The following RCN2 variants were observed in gnomAD, a reference collection of about 807,000 sequenced individuals.
RCN2 encodes reticulocalbin 2.
In RCN2, 23 loss-of-function variants were observed where a neutral mutation model predicts 37.5. The ratio of observed to expected loss-of-function variants is 0.61; its 90% CI spans 0.44 to 0.87. The LOEUF (loss-of-function observed/expected upper bound fraction) is 0.87. Among genes scored for constraint, RCN2 ranks in the 40% least tolerant of loss-of-function variants. The pLI is 0.00. For missense variants in RCN2, 381 were observed against 390.4 expected, an observed-to-expected ratio of 0.98 and a Z score of 0.20; for synonymous variants, 140 against 144.6, an observed-to-expected ratio of 0.97 and a Z score of 0.23.
rs972816107 is a variant in RCN2, at chr15:76,953,043, C to T, written c.*3821C>T. On this transcript the variant is annotated 3_prime_UTR_variant, in exon 7 of 7. Coordinates refer to ENST00000394885, the MANE Select transcript of RCN2 (RefSeq NM_002902.3). ...CCACCTCCCAGGTTCAAGCGATTCT[C>T]CTGCCTCAGCCTCCCAAGTAGCTGG... The T allele has an allele frequency of 2.6e-5, 4 of 152,890 alleles. No homozygotes were observed. Among genetic ancestry groups the T allele is most frequent in the Middle Eastern group, 3.1e-3 (1 of 322 alleles). The allele number at this position is 152,890 out of a possible 1,614,324, so 9.5% of individuals were successfully genotyped here. A position where few individuals can be genotyped will look rare whatever the true frequency, so the allele number is the denominator to read the frequency against.
In RCN2 at chr15:76,935,707, G is replaced by A. The variant is rs749017806; in HGVS notation, c.432G>A (p.Glu144=). 4.3e-6 allele frequency: 7 copies of A among 1,612,274 alleles called. No homozygotes were observed. In the South Asian group the frequency reaches 5.5e-5, roughly 13 times the overall value. Residue 144 remains glutamate (E), a synonymous_variant, in exon 3 of 7, where the codon GAG becomes GAA. Coordinates refer to ENST00000394885, the MANE Select transcript of RCN2 (RefSeq NM_002902.3). ...DENTALDDAE[E]ESFRKLHLKD... is the part of the protein sequence containing the mutation. ...ACACTGCTCTGGATGATGCAGAAGA[G>A]GAGTCCTTTAGGAAGGTGAGTTCAT...
chr15:76,935,660 C>T lies in RCN2; in HGVS notation c.385C>T (p.Arg129Cys), dbSNP rs765356365. The change falls in exon 3 of 7, where the codon CGT becomes TGT. Residue 129 changes from arginine to cysteine, a missense_variant. Coordinates refer to ENST00000394885, the MANE Select transcript of RCN2 (RefSeq NM_002902.3). ...TGAATATAACATTCAGATGTATGAT[C>T]GTGTGATTGACTTTGATGAGAACAC... ...WDEYNIQMYD[R>C]VIDFDENTAL... is the part of the protein sequence containing the mutation. The T allele has an allele frequency of 1.1e-5, 17 of 1,613,884 alleles. No individual in the cohort carries two copies. The South Asian group carries it at 1.5e-4, about 15-fold the overall frequency.
chr15:76,932,260 A>G, intron 1 of RCN2, 101 bp from the exon 2 acceptor site: 3 of 939,034 alleles, frequency 3.2e-6, no homozygotes, highest in Non-Finnish European at 5.0e-6. Context: ...TCACCCCGAA[A>G]CCCTTTGGCA....
intron 4 of RCN2, among the ~76,000 whole-genome samples, chr15:76,945,674 G>A (rs190378642): frequency 2.6e-5 from 4 of 152,310 alleles, no homozygotes; most frequent in African/African-American, 4.8e-5. Context: ...CTCCAGCTAC[G>A]TGGCTTGGTT....
At chr15:76,943,447 C>T (rs549157670) in intron 3 of RCN2, 85 of 223,106 alleles carry the variant, frequency 3.8e-4, no homozygotes, top group African/African-American at 1.7e-3. Flanking sequence ...TAGGGATTCT[C>T]ATCCCAATTG....
rs1202254269 is a variant in RCN2 at position 76,950,412 on chromosome 15, A to C, written c.*1190A>C. On this transcript the variant is annotated 3_prime_UTR_variant, in exon 7 of 7. Coordinates refer to ENST00000394885, the MANE Select transcript of RCN2 (RefSeq NM_002902.3). ...TTTTTTTTTTTTTTTTTTTTGTGAC[A>C]GAGTCTTGCTCTGTGGCCCAGGCTG... 3.8e-5 allele frequency: 5 copies of C among 131,302 alleles called. No individual in the cohort carries two copies. The highest frequency in any genetic ancestry group is 1.5e-4 in the African/African-American group (5 of 33,918). The allele number at this position is 131,302 out of a possible 1,614,324, so 8.1% of individuals were successfully genotyped here.
intron 3 of RCN2, chr15:76,938,822 T>A: frequency 2.2e-6 from 1 of 448,688 alleles, no homozygotes; most frequent in Non-Finnish European, 4.5e-6. Context: ...TTGGGCAAGT[T>A]ATTAAACTTT....
chr15:76,937,845 C>G (rs1009239911), intron 3 of RCN2, among the ~76,000 whole-genome samples: 4 of 152,130 alleles, frequency 2.6e-5, no homozygotes, highest in Non-Finnish European at 4.4e-5. Context: ...CTTTTTAACA[C>G]TTCTAGGAAG....
chr15:76,944,680 G>T (rs1349124343), intron 4 of RCN2, among the ~76,000 whole-genome samples: 2 of 152,196 alleles, frequency 1.3e-5, no homozygotes, highest in Non-Finnish European at 2.9e-5. Flanking sequence ...CATCCATGCT[G>T]TTGTGTGGAT....
intron 1 of RCN2, 104 bp downstream of exon 1, chr15:76,932,089 G>T: frequency 3.5e-6 from 4 of 1,148,564 alleles, no homozygotes; most frequent in Non-Finnish European, 4.5e-6. Flanking sequence ...CCTGGCAGGG[G>T]CGGCCTGACA....
chr15:76,952,459 AG>A lies in RCN2; in HGVS notation c.*3238del, dbSNP rs1480858632. 6.6e-6 allele frequency: 1 copy of A among 152,204 alleles called. No homozygotes were observed. The highest frequency in any genetic ancestry group is 1.5e-5 in the Non-Finnish European group (1 of 68,030). 9.4% of individuals were successfully genotyped at this position (152,204 alleles called of 1,614,324 possible). On this transcript the variant is annotated 3_prime_UTR_variant, in exon 7 of 7. Transcript: ENST00000394885. ...TACACATAACAAAATTCATCTTAAC[AG>A]TTTTTAATTGTACAGTTCGGTGGTA...
rs991028128 is a variant in RCN2, at chr15:76,950,210, A to G, written c.*988A>G. The G allele has an allele frequency of 6.6e-6, 1 of 152,160 alleles. No homozygotes were observed. Among genetic ancestry groups the G allele is most frequent in the African/African-American group, 2.4e-5 (1 of 41,430 alleles). The allele number at this position is 152,160 out of a possible 1,614,324, so 9.4% of individuals were successfully genotyped here. A position where few individuals can be genotyped will look rare whatever the true frequency, so the allele number is the denominator to read the frequency against. Reference sequence around the variant, plus strand: ...CCAATAGAGCTGGTCAGTTATCAACAGTAGAGCTCAGTATCAATTTTACTG... The same window carrying G: ...CCAATAGAGCTGGTCAGTTATCAACGGTAGAGCTCAGTATCAATTTTACTG... On this transcript the variant is annotated 3_prime_UTR_variant, in exon 7 of 7. Coordinates refer to ENST00000394885, the MANE Select transcript of RCN2 (RefSeq NM_002902.3).
chr15:76,937,700 A>C (rs2075258339), intron 3 of RCN2, among the ~76,000 whole-genome samples: 1 of 152,098 alleles, frequency 6.6e-6, no homozygotes, highest in African/African-American at 2.4e-5. Flanking sequence ...AAGCCACGAC[A>C]CCTGGCCCCA....
chr15:76,932,491 C>A, intron 2 of RCN2, 25 bp downstream of exon 2: 1 of 1,440,866 alleles, frequency 6.9e-7, no homozygotes, highest in Non-Finnish European at 9.8e-7. Context: ...ACACGACTAA[C>A]AATGGAGACA....
intron 4 of RCN2, among the ~76,000 whole-genome samples, chr15:76,945,150 A>G (rs2075291963): frequency 6.6e-6 from 1 of 152,158 alleles, no homozygotes; most frequent in Non-Finnish European, 1.5e-5. Context: ...GCTTATTGGG[A>G]GGGAGAAGGT....
intron 3 of RCN2, among the ~76,000 whole-genome samples, chr15:76,937,335 G>A (rs967918819): frequency 1.3e-5 from 2 of 151,902 alleles, no homozygotes; most frequent in East Asian, 1.9e-4. Context: ...TAGATCATAC[G>A]GTAATTCTAT....
At chr15:76,934,986 C>G (rs1189941834) in intron 2 of RCN2, among the ~76,000 whole-genome samples, 7 of 152,084 alleles carry the variant, frequency 4.6e-5, no homozygotes, top group Non-Finnish European at 1.0e-4. Flanking sequence ...AGAACATACC[C>G]AAACTTTTAT....
chr15:76,950,754 A>C lies in RCN2; in HGVS notation c.*1532A>C, dbSNP rs1366246405. On this transcript the variant is annotated 3_prime_UTR_variant, in exon 7 of 7. Coordinates refer to ENST00000394885, the MANE Select transcript of RCN2 (RefSeq NM_002902.3). ...AAGAGGTCAGCTATGCATTCTCTTA[A>C]TCACTTTCCAGCCTAAAGTTGTCTC... The C allele has an allele frequency of 1.3e-5, 2 of 152,270 alleles. No individual in the cohort carries two copies. The highest frequency in any genetic ancestry group is 3.9e-4 in the East Asian group (2 of 5,182). 9.4% of individuals were successfully genotyped at this position (152,270 alleles called of 1,614,324 possible).
chr15:76,941,588 G>A (rs1026725821), intron 3 of RCN2: 27 of 1,028,290 alleles, frequency 2.6e-5, no homozygotes, highest in Non-Finnish European at 3.5e-5. Context: ...GAAAAAAAAA[G>A]AGTGTTGAAG....
Sources: allele counts gnomAD v4.1 joint callset (sites outside exome capture counted in the v4.1 genomes callset), GRCh38; gene constraint gnomAD v4.1.1; transcripts MANE v1.5; gene names NCBI Gene and HGNC (gene_info 2026-07-23, HGNC 2026-07-21).